The following HDX variants were observed in gnomAD, a reference collection of about 807,000 sequenced individuals.
The protein encoded by HDX is chromosome X open reading frame 43.
HDX carries 19 observed loss-of-function variants against 45.2 expected under a neutral mutation model. That is an observed-to-expected ratio of 0.42 (90% confidence interval 0.29 to 0.62). HDX has a LOEUF of 0.62. HDX is among the 20% of genes least tolerant of loss of function. HDX has a pLI of 0.20. For synonymous variants in HDX, 188 were observed against 172.8 expected (o/e 1.09, Z -0.69); for missense variants, 532 against 493.9 (o/e 1.08, Z -0.73).
chrX:84,412,879 G>C (rs755913853), intron 5 of HDX, among the ~76,000 whole-genome samples: 2 of 111,689 alleles, frequency 1.8e-5, no homozygotes, highest in African/African-American at 6.5e-5. Context: ...TTTTATTTGC[G>C]ATTATTCGGG....
intron 5 of HDX, among the ~76,000 whole-genome samples, chrX:84,373,012 G>C (rs185115091): frequency 1.3e-4 from 15 of 111,455 alleles, no homozygotes; most frequent in Middle Eastern, 4.6e-3. Flanking sequence ...TCTAAATATA[G>C]AAATATTTTA....
At position 84,469,144 on chromosome X, in the gene HDX, T is replaced by C. The variant is rs771241619; in HGVS notation, c.579A>G (p.Ala193=). ...CTGAAGAGTTTCCATAGTTTTTCTTTGCGTGATTGAATACTGAGTTTCCAG... is the reference window on the plus strand; with the variant it reads ...CTGAAGAGTTTCCATAGTTTTTCTTCGCGTGATTGAATACTGAGTTTCCAG... ...LNAGNSVFNH[A]KKNYGNSSVQ... The change falls in exon 4 of 11, where the codon GCA becomes GCG. Residue 193 remains alanine (A), a synonymous_variant. Transcript: ENST00000373177. 2.5e-6 allele frequency: 3 copies of C among 1,209,926 alleles called. No individual in the cohort carries two copies. Among genetic ancestry groups the C allele is most frequent in the Admixed American group, 4.4e-5 (2 of 45,808 alleles).
At chrX:84,330,339 C>A (rs1364348014) in intron 9 of HDX, among the ~76,000 whole-genome samples, 1 of 111,749 alleles carries the variant, frequency 8.9e-6, no homozygotes, top group East Asian at 2.8e-4. Context: ...GTTCAAAAAA[C>A]CAAATTAAAG....
At chrX:84,465,098 A>C (rs952256105) in intron 4 of HDX, among the ~76,000 whole-genome samples, 1 of 112,718 alleles carries the variant, frequency 8.9e-6, no homozygotes, top group Admixed American at 9.4e-5. Context: ...TCATTAGAGA[A>C]ATGCAAATCA....
chrX:84,435,316 C>G (rs888981609), intron 5 of HDX, among the ~76,000 whole-genome samples: 1 of 111,271 alleles, frequency 9.0e-6, no homozygotes, highest in East Asian at 2.8e-4. Context: ...GGCCAGTGAT[C>G]ATGACCATTT....
At chrX:84,477,879 G>A (rs2040588593) in intron 2 of HDX, among the ~76,000 whole-genome samples, 1 of 111,715 alleles carries the variant, frequency 9.0e-6, no homozygotes, top group Admixed American at 9.5e-5. Context: ...GGGATTGAGT[G>A]CTGAAGTAAC....
chrX:84,434,875 T>C (rs2039587024), intron 5 of HDX, among the ~76,000 whole-genome samples: 1 of 111,514 alleles, frequency 9.0e-6, no homozygotes, highest in Non-Finnish European at 1.9e-5. Flanking sequence ...AGATTTTCTT[T>C]ACCTTCTTGG....
intron 9 of HDX, among the ~76,000 whole-genome samples, chrX:84,328,636 T>C (rs2036772588): frequency 9.0e-6 from 1 of 111,524 alleles, no homozygotes; most frequent in African/African-American, 3.3e-5. Flanking sequence ...ATATCATTTG[T>C]TCTTAAAGAA....
chrX:84,414,532 T>C (rs1024040813), intron 5 of HDX, among the ~76,000 whole-genome samples: 1 of 112,073 alleles, frequency 8.9e-6, no homozygotes, highest in Non-Finnish European at 1.9e-5. Flanking sequence ...CTTTATCCTT[T>C]CATTTTTCTT....
chrX:84,417,252 G>GAAAGAAAGAA (rs746755888), intron 5 of HDX, among the ~76,000 whole-genome samples: 1 of 109,870 alleles, frequency 9.1e-6, no homozygotes, highest in Non-Finnish European at 1.9e-5. Flanking sequence ...AAGAAAGAAA[G>GAAAGAAAGAA]AGAAAGTCCC....
chrX:84,379,939 T>G (rs2038148528), intron 5 of HDX, among the ~76,000 whole-genome samples: 1 of 110,840 alleles, frequency 9.0e-6, no homozygotes, highest in Admixed American at 9.6e-5. Context: ...TGTTTTTATT[T>G]TTTGAAAACT....
At chrX:84,484,833 A>G (rs1377568861) in intron 2 of HDX, among the ~76,000 whole-genome samples, 1 of 111,509 alleles carries the variant, frequency 9.0e-6, no homozygotes. Flanking sequence ...GTTTGGATTT[A>G]ATTTACTTTT....
At position 84,321,941 on chromosome X, in the gene HDX, G is replaced by A. The variant is rs769373598; in HGVS notation, c.2021C>T (p.Thr674Ile). The change falls in exon 11 of 11, where the codon ACC becomes ATC. Residue 674 changes from threonine to isoleucine, a missense_variant. Around this residue, in one of 3 missense-constraint regions of HDX, gnomAD observed 151 missense variants for 131.8 expected, o/e 1.15. Transcript: ENST00000373177. Reference protein sequence around the residue: ...FNHASLEPDDTSFSVSSLSEK... With the variant: ...FNHASLEPDDISFSVSSLSEK... The stretch of plus-strand genomic sequence containing the variant: ...TGACAAAGAAGATACACTGAATGAG[G>A]TATCATCAGGCTCCAGTGAGGCATG... The A allele has an allele frequency of 8.5e-7, 1 of 1,179,550 alleles. No individual in the cohort carries two copies. The highest frequency in any genetic ancestry group is 1.8e-5 in the South Asian group (1 of 55,036).
chrX:84,367,772 G>A (rs2037794907), intron 5 of HDX, among the ~76,000 whole-genome samples: 1 of 111,839 alleles, frequency 8.9e-6, no homozygotes, highest in African/African-American at 3.3e-5. Context: ...AACACCGCAT[G>A]TTCTCACTCA....
At chrX:84,489,193 T>C (rs1176044720) in intron 1 of HDX, among the ~76,000 whole-genome samples, 1 of 111,427 alleles carries the variant, frequency 9.0e-6, no homozygotes, top group Non-Finnish European at 1.9e-5. Context: ...ACTCTAGTGA[T>C]GATCTATAGT....
At chrX:84,385,499 C>T (rs1463571411) in intron 5 of HDX, among the ~76,000 whole-genome samples, 1 of 110,365 alleles carries the variant, frequency 9.1e-6, no homozygotes, top group Admixed American at 9.6e-5. Flanking sequence ...AGGCGTGAGC[C>T]ACCGCGCCCG....
chrX:84,414,670 A>G (rs2039063383), intron 5 of HDX, among the ~76,000 whole-genome samples: 1 of 111,804 alleles, frequency 8.9e-6, no homozygotes, highest in African/African-American at 3.3e-5. Flanking sequence ...ACAATGTATA[A>G]TACCATGATT....
chrX:84,452,263 C>T (rs1310079556), intron 4 of HDX, among the ~76,000 whole-genome samples: 2 of 110,857 alleles, frequency 1.8e-5, no homozygotes, highest in Admixed American at 9.6e-5. Flanking sequence ...CTAGGAAAAA[C>T]CGGAAAATCC....
At chrX:84,369,818 G>A (rs574333031) in intron 5 of HDX, among the ~76,000 whole-genome samples, 2 of 111,812 alleles carry the variant, frequency 1.8e-5, no homozygotes, top group South Asian at 3.7e-4. Flanking sequence ...TTGAGTTGTA[G>A]GAGTTGTAAA....
Sources: gnomAD v4.1 joint callset for allele counts (sites outside exome capture counted in the v4.1 genomes callset) on GRCh38, gnomAD v4.1.1 for gene constraint, gnomAD v4.1.1 regional missense constraint, MANE v1.5 for transcripts, NCBI Gene and HGNC (gene_info 2026-07-23, HGNC 2026-07-21) for gene names.